Variants in FOSL1 observed in about 807,000 individuals in gnomAD.
FOSL1 encodes the protein fos-related antigen 1.
FOSL1 carries 14 observed loss-of-function variants against 24.9 expected under a neutral mutation model. The observed-to-expected ratio is 0.56, with a 90% confidence interval of 0.37 to 0.88. The LOEUF is 0.88. FOSL1 is among the 40% of genes least tolerant of loss of function. The pLI is 0.00. For missense variants in FOSL1, 318 were observed against 359.8 expected (o/e 0.88, Z 0.94); for synonymous variants, 133 against 145.1 (o/e 0.92, Z 0.60).
intron 3 of FOSL1, 140 bp from the exon 4 acceptor site, chr11:65,893,436 C>T (rs1860445887): frequency 1.1e-5 from 7 of 655,586 alleles, no homozygotes; most frequent in Non-Finnish European, 1.8e-5. Context: ...CAAGTCTGGA[C>T]TACAACTCCC....
At chr11:65,895,660 C>T (rs1245345013) in intron 2 of FOSL1, among the ~76,000 whole-genome samples, 2 of 152,214 alleles carry the variant, frequency 1.3e-5, no homozygotes, top group East Asian at 1.9e-4. Context: ...GAAGGAAGGA[C>T]GCACAGGAGG....
chr11:65,894,752 G>A (rs925620068), intron 2 of FOSL1, among the ~76,000 whole-genome samples: 1 of 152,068 alleles, frequency 6.6e-6, no homozygotes, highest in Non-Finnish European at 1.5e-5. Context: ...CACCTACTGG[G>A]TTCAAGTGAT....
chr11:65,900,535 A>C, upstream of FOSL1: 1 of 387,898 alleles, frequency 2.6e-6, no homozygotes, highest in Non-Finnish European at 4.5e-6. Flanking sequence ...GTCGGTCCCG[A>C]ACTTGGCGAC....
Position 65,892,660 on chromosome 11 carries a change from T to A in FOSL1, c.*226A>T, listed in dbSNP as rs1860414770. 1.4e-6 allele frequency: 1 copy of A among 696,120 alleles called. No homozygotes were observed. The highest frequency in any genetic ancestry group is 1.8e-5 in the African/African-American group (1 of 57,136). 43.1% of individuals were successfully genotyped at this position (696,120 alleles called of 1,614,324 possible). On this transcript the variant is annotated 3_prime_UTR_variant, in exon 4 of 4. Transcript: ENST00000312562. Reference sequence around the variant, plus strand: ...AATGGGAAATATTTTGTCTCTGATTTAGTGCAAATTGTGCTAGAGAGGCCA... The same window carrying A: ...AATGGGAAATATTTTGTCTCTGATTAAGTGCAAATTGTGCTAGAGAGGCCA...
At chr11:65,898,107 C>T (rs950856232) in intron 1 of FOSL1, among the ~76,000 whole-genome samples, 17 of 127,496 alleles carry the variant, frequency 1.3e-4, no homozygotes, top group Middle Eastern at 7.0e-3. Flanking sequence ...GTAGCCCGAT[C>T]TCGCCTCACT....
At chr11:65,899,974 G>A (rs953647110) in intron 1 of FOSL1, among the ~76,000 whole-genome samples, 37 of 152,254 alleles carry the variant, frequency 2.4e-4, no homozygotes, top group African/African-American at 8.7e-4. Flanking sequence ...TGGGCAGGAG[G>A]AGAGAAAGCG....
chr11:65,895,116 A>G (rs1167028673), intron 2 of FOSL1, among the ~76,000 whole-genome samples: 2 of 134,690 alleles, frequency 1.5e-5, no homozygotes, highest in Non-Finnish European at 3.2e-5. Context: ...TTAAAAAAAC[A>G]TAGATTCTTT....
At chr11:65,897,594 C>A (rs1023500575) in intron 1 of FOSL1, among the ~76,000 whole-genome samples, 2 of 152,180 alleles carry the variant, frequency 1.3e-5, no homozygotes, top group African/African-American at 4.8e-5. Context: ...CCCGCCTCGG[C>A]CTCCCAAAGT....
intron 1 of FOSL1, among the ~76,000 whole-genome samples, chr11:65,898,818 G>C (rs1205437107): frequency 6.6e-6 from 1 of 152,004 alleles, no homozygotes; most frequent in East Asian, 1.9e-4. Context: ...AAATTAGTTG[G>C]GTGTGGTGGT....
chr11:65,893,342 C>A (rs759839379), intron 3 of FOSL1, 46 bp from the exon 4 acceptor site: 2 of 1,511,294 alleles, frequency 1.3e-6, no homozygotes, highest in Admixed American at 2.0e-5. Context: ...GGCTGAATAC[C>A]CCAGAGCCGC....
rs910500307 is a variant in FOSL1, at chr11:65,893,402, G to A, written c.406-106C>T. The stretch of plus-strand genomic sequence containing the variant: ...GGAGCTGGGGTTGGGCGGGGGGAGA[G>A]GGGGGGCAGTGGAGAGTCCCCAGCA... On this transcript the variant is annotated intron_variant, in intron 3 of 3. Coordinates refer to ENST00000312562, the MANE Select transcript of FOSL1 (RefSeq NM_005438.5). 5 of 806,014 alleles carry A rather than the reference G, an allele frequency of 6.2e-6. No individual in the cohort carries two copies. The Admixed American group carries it at 8.2e-5, about 13-fold the overall frequency. The allele number at this position is 806,014 out of a possible 1,614,324, so 49.9% of individuals were successfully genotyped here.
Position 65,894,095 on chromosome 11 carries a change from G to T in FOSL1, c.324C>A (p.Arg108=). The change falls in exon 3 of 4, where the codon CGC becomes CGA. Residue 108 remains arginine, a synonymous_variant. Transcript: ENST00000312562. ...EQISPEEEER[R]RVRRERNKLA... ...GCTTGTTCCGCTCGCGCCTTACTCG[G>T]CGGCGCTCCTCTTCCTCCGGGCTGA... 6.2e-7 allele frequency: 1 copy of T among 1,609,080 alleles called. No homozygotes were observed.
chr11:65,893,402 G>GC lies in FOSL1; in HGVS notation c.406-107_406-106insG, dbSNP rs34883725. On this transcript the variant is annotated intron_variant, in intron 3 of 3. Coordinates refer to ENST00000312562, the MANE Select transcript of FOSL1 (RefSeq NM_005438.5). Reference sequence around the variant, plus strand: ...GGAGCTGGGGTTGGGCGGGGGGAGAGGGGGGGCAGTGGAGAGTCCCCAGCA... The same window carrying GC: ...GGAGCTGGGGTTGGGCGGGGGGAGAGCGGGGGGCAGTGGAGAGTCCCCAGCA... 0.017 allele frequency: 13,459 copies of GC among 806,062 alleles called. 1,443 individuals are homozygous for GC. The African/African-American group carries it at 0.21, about 12-fold the overall frequency. The allele number at this position is 806,062 out of a possible 1,614,324, so 49.9% of individuals were successfully genotyped here.
chr11:65,893,360 TGGACTCAGGGTTC>T (rs1860442203), intron 3 of FOSL1, 64 bp from the exon 4 acceptor site: 12 of 1,263,036 alleles, frequency 9.5e-6, no homozygotes, highest in Non-Finnish European at 1.3e-5. Flanking sequence ...CGCAGACGTT[TGGACTCAGGGTTC>T]TGAGGAGCTG....
chr11:65,896,766 T>A (rs1299931835), intron 2 of FOSL1, 43 bp downstream of exon 2: 17 of 1,507,610 alleles, frequency 1.1e-5, no homozygotes, highest in Non-Finnish European at 1.4e-5. Context: ...ACCCTAGCAC[T>A]CCTGGGCGGG....
chr11:65,896,925 G>T lies in FOSL1; in HGVS notation c.181C>A (p.Pro61Thr), dbSNP rs991654454. 2 of 1,613,778 alleles carry T rather than the reference G, an allele frequency of 1.2e-6. No homozygotes were observed. The highest frequency in any genetic ancestry group is 1.7e-5 in the Admixed American group (1 of 60,002). The change falls in exon 2 of 4, where the codon CCC becomes ACC. Residue 61 changes from proline to threonine, a missense_variant. Physicochemically the swap from Pro to Thr is conservative, Grantham distance 38. Coordinates refer to ENST00000312562, the MANE Select transcript of FOSL1 (RefSeq NM_005438.5). ...GTCAGAGGCCTGGGGTAACTGCTGGGCCCCAGGAAATGAGGCTGTACCATC... is the reference window on the plus strand; with the variant it reads ...GTCAGAGGCCTGGGGTAACTGCTGGTCCCCAGGAAATGAGGCTGTACCATC... ...QWMVQPHFLG[P>T]SSYPRPLTYP...
At chr11:65,898,043 C>CCGTTTTTTTTTTTTTTTTT (rs1416098633) in intron 1 of FOSL1, among the ~76,000 whole-genome samples, 1 of 79,656 alleles carries the variant, frequency 1.3e-5, no homozygotes, top group African/African-American at 5.6e-5. Flanking sequence ...TTTTTCTTTT[C>CCGTTTTTTTTTTTTTTTTT]TGTTTTTTTT....
rs1860642834 is a variant in FOSL1, at chr11:65,900,314, C to T, written c.26G>A (p.Gly9Asp). MFRDFGEP[G>D]PSSGNGGGYG... ...CCCGCCGCCGTTCCCGGAGCTCGGG[C>T]CGGGTTCCCCGAAGTCTCGGAACAT... is the stretch of plus-strand genomic sequence containing the variant. Residue 9 changes from glycine to aspartate, a missense_variant, in exon 1 of 4, where the codon GGC (glycine) becomes GAC (aspartate). Physicochemically the swap from Gly to Asp is moderately conservative, Grantham distance 94. Transcript: ENST00000312562. 8.0e-7 allele frequency: 1 copy of T among 1,243,806 alleles called. No homozygotes were observed. The highest frequency in any genetic ancestry group is 3.5e-5 in the South Asian group (1 of 28,638). The allele number at this position is 1,243,806 out of a possible 1,614,324, so 77.0% of individuals were successfully genotyped here. A position where few individuals can be genotyped will look rare whatever the true frequency, so the allele number is the denominator to read the frequency against.
chr11:65,900,028 G>A (rs1382475046), intron 1 of FOSL1, among the ~76,000 whole-genome samples: 1 of 152,246 alleles, frequency 6.6e-6, no homozygotes, highest in African/African-American at 2.4e-5. Context: ...AGGGAGAAGG[G>A]GGCGGCTGGG....
Sources: allele counts gnomAD v4.1 joint callset (sites outside exome capture counted in the v4.1 genomes callset), GRCh38; gene constraint gnomAD v4.1.1; transcripts MANE v1.5; gene names NCBI Gene and HGNC (gene_info 2026-07-23, HGNC 2026-07-21).